CACNA1A: variants seen among roughly 807,000 people sequenced by gnomAD.
The protein encoded by CACNA1A is calcium voltage-gated channel subunit alpha1 A.
CACNA1A carries 57 observed loss-of-function variants against 262.4 expected under a neutral mutation model. The observed-to-expected ratio is 0.22, with a 90% CI of 0.18 to 0.27. CACNA1A has a LOEUF of 0.27. Ranked by LOEUF, CACNA1A falls within the 10% of genes least tolerant of loss-of-function variation. The pLI is 1.00. For synonymous variants in CACNA1A, 1,431 were observed against 1,419.3 expected (o/e 1.01, Z -0.18); for missense variants, 2,526 against 3,562.8 (o/e 0.71, Z 7.41).
At chr19:13,311,448 A>G (rs1287940406) in intron 12 of CACNA1A, among the ~76,000 whole-genome samples, 2 of 152,174 alleles carry the variant, frequency 1.3e-5, no homozygotes, top group Admixed American at 1.3e-4. Flanking sequence ...TGGGTCATTT[A>G]TGTAGGGAAG....
intron 19 of CACNA1A, among the ~76,000 whole-genome samples, chr19:13,290,413 TATA>T (rs918297732): frequency 2.6e-5 from 4 of 151,086 alleles, no homozygotes; most frequent in Admixed American, 1.3e-4. Context: ...TCTGTGTGTG[TATA>T]ATAATAATAA....
At chr19:13,360,101 T>C (rs1032088884) in intron 5 of CACNA1A, among the ~76,000 whole-genome samples, 4 of 151,936 alleles carry the variant, frequency 2.6e-5, no homozygotes, top group African/African-American at 9.7e-5. Flanking sequence ...TAAATTGCCT[T>C]TAAGTGTGGC....
intron 24 of CACNA1A, among the ~76,000 whole-genome samples, chr19:13,265,479 C>T (rs1261423953): frequency 6.6e-6 from 1 of 152,192 alleles, no homozygotes; most frequent in Admixed American, 6.5e-5. Context: ...AGATATACTC[C>T]AGGATTCAGA....
intron 1 of CACNA1A, among the ~76,000 whole-genome samples, chr19:13,476,823 T>G (rs1978603928): frequency 1.3e-5 from 2 of 152,166 alleles, no homozygotes; most frequent in East Asian, 1.9e-4. Flanking sequence ...CACTATTACC[T>G]GCCAGGACCA....
chr19:13,397,211 GC>G (rs2059825133), intron 3 of CACNA1A, among the ~76,000 whole-genome samples: 1 of 152,146 alleles, frequency 6.6e-6, no homozygotes, highest in Admixed American at 6.6e-5. Context: ...GTCTGGAGAA[GC>G]AGGATTTGAT....
rs1268079595 is a variant in CACNA1A, at chr19:13,277,098, C to T, written c.3853G>A (p.Gly1285Ser). The T allele has an allele frequency of 9.3e-6, 15 of 1,612,456 alleles. No homozygotes were observed. The highest frequency in any genetic ancestry group is 1.3e-5 in the Non-Finnish European group (15 of 1,178,698). The change falls in exon 23 of 47, where the codon GGC (glycine) becomes AGC (serine). Residue 1285 changes from glycine (G) to serine (S), a missense_variant. Physicochemically the swap from Gly to Ser is moderately conservative, Grantham distance 56. Coordinates refer to ENST00000360228, the MANE Select transcript of CACNA1A (RefSeq NM_001127222.2). ...VLRYFDYVFT[G>S]VFTFEMVIKM... ...ATCACCATCTCAAAGGTAAAGACGC[C>T]TGTAAAAACGTAGTCAAAGTATCGC...
At chr19:13,228,963 C>T (rs1323949274) in intron 36 of CACNA1A, 3 of 420,514 alleles carry the variant, frequency 7.1e-6, no homozygotes, top group Non-Finnish European at 1.3e-5. Context: ...TGGGGAGACC[C>T]AGGGGTGTAG....
chr19:13,286,701 C>A lies in CACNA1A; in HGVS notation c.3355G>T (p.Ala1119Ser). Residue 1119 changes from alanine (A) to serine (S), a missense_variant, in exon 20 of 47, where the codon GCC becomes TCC. By Grantham distance (99) the Ala-to-Ser change is moderately conservative (BLOSUM62 1). Coordinates refer to ENST00000360228, the MANE Select transcript of CACNA1A (RefSeq NM_001127222.2). Reference protein sequence around the residue: ...IPAMATNPQNAASRRTPNNPG... With the variant: ...IPAMATNPQNSASRRTPNNPG... ...TTGTTGGGCGTCCGGCGGCTGGCGG[C>A]GTTCTGGGGGTTGGTGGCCATGGCA... is the stretch of plus-strand genomic sequence containing the variant. The A allele has an allele frequency of 6.3e-7, 1 of 1,580,726 alleles. No individual in the cohort carries two copies. The highest frequency in any genetic ancestry group is 1.4e-5 in the African/African-American group (1 of 73,970).
At chr19:13,420,068 G>A (rs377032624) in intron 3 of CACNA1A, among the ~76,000 whole-genome samples, 13 of 151,856 alleles carry the variant, frequency 8.6e-5, no homozygotes, top group South Asian at 8.3e-4. Flanking sequence ...GCGACAGAGC[G>A]GGACTCTATC....
At chr19:13,466,176 C>A (rs931739580) in intron 1 of CACNA1A, among the ~76,000 whole-genome samples, 1 of 151,808 alleles carries the variant, frequency 6.6e-6, no homozygotes, top group African/African-American at 2.4e-5. Flanking sequence ...GCAAATTGCA[C>A]CTGATTTTTT....
chr19:13,429,206 A>ACACACC (rs1491498312), intron 3 of CACNA1A, among the ~76,000 whole-genome samples: 3 of 118,478 alleles, frequency 2.5e-5, no homozygotes, highest in African/African-American at 6.1e-5. Context: ...ACACACACAC[A>ACACACC]CCCCTCTTTC....
intron 6 of CACNA1A, among the ~76,000 whole-genome samples, chr19:13,351,621 T>C (rs910942259): frequency 1.7e-4 from 26 of 152,364 alleles, no homozygotes; most frequent in African/African-American, 5.8e-4. Flanking sequence ...ATGATTCTTC[T>C]GCCTCAGCCT....
chr19:13,346,881 T>C (rs967331190), intron 6 of CACNA1A, among the ~76,000 whole-genome samples: 1 of 149,580 alleles, frequency 6.7e-6, no homozygotes, highest in Admixed American at 6.7e-5. Context: ...GGTTTCACCA[T>C]GTAGCCTAGG....
chr19:13,421,549 T>G (rs1434172443), intron 3 of CACNA1A, among the ~76,000 whole-genome samples: 1 of 152,156 alleles, frequency 6.6e-6, no homozygotes, highest in Admixed American at 6.5e-5. Flanking sequence ...TAGTCACCAA[T>G]GTGAAGATAT....
At chr19:13,443,613 C>T (rs1458105535) in intron 3 of CACNA1A, among the ~76,000 whole-genome samples, 3 of 152,142 alleles carry the variant, frequency 2.0e-5, no homozygotes, top group Non-Finnish European at 4.4e-5. Context: ...TCCTAAAGTG[C>T]TGAGATTATA....
At chr19:13,228,765 A>G (rs1328643348) in intron 36 of CACNA1A, 1 of 1,600,264 alleles carries the variant, frequency 6.2e-7, no homozygotes, top group Non-Finnish European at 8.5e-7. Flanking sequence ...CTCGTAATAA[A>G]CTGTACATAT....
At position 13,293,441 on chromosome 19, in the gene CACNA1A, T is replaced by C. The variant is rs1211649722; in HGVS notation, c.3089+5103A>G. 2.4e-3 allele frequency among the ~76,000 whole-genome samples: 231 copies of C among 95,962 alleles called. 2 individuals are homozygous for C. The highest frequency in any genetic ancestry group is 9.4e-3 in the African/African-American group (226 of 24,158). The allele number at this position is 95,962 out of a possible 152,430, so 63.0% of individuals were successfully genotyped here. On this transcript the variant is annotated intron_variant, in intron 19 of 46. Coordinates refer to ENST00000360228, the MANE Select transcript of CACNA1A (RefSeq NM_001127222.2). ...TACACGTACTAACTCAGTTAAATCT[T>C]TTTTTTTTTTTTTTTTTTTTTTGAG... is the stretch of plus-strand genomic sequence containing the variant.
chr19:13,214,696 A>T lies in CACNA1A; in HGVS notation c.5732-88T>A. ...GCTGCAAAGCCATAGGCTCCCGAGA[A>T]CGAGACCCCAATCTTTCTGGTCCCC... On this transcript the variant is annotated intron_variant, in intron 38 of 46. Coordinates refer to ENST00000360228, the MANE Select transcript of CACNA1A (RefSeq NM_001127222.2). This position sits in a 1 kb window ranked among gnomAD's most constrained non-coding sequence, Gnocchi z 4.1. 1.0e-6 allele frequency: 1 copy of T among 998,900 alleles called. No individual in the cohort carries two copies. The highest frequency in any genetic ancestry group is 1.5e-6 in the Non-Finnish European group (1 of 650,278). 61.9% of individuals were successfully genotyped at this position (998,900 alleles called of 1,614,324 possible).
At chr19:13,476,947 G>A (rs1037446363) in intron 1 of CACNA1A, among the ~76,000 whole-genome samples, 3 of 152,140 alleles carry the variant, frequency 2.0e-5, no homozygotes, top group South Asian at 2.1e-4. Context: ...GTCAGGTCAC[G>A]TCCCTCCTCT....
Sources: allele counts gnomAD v4.1 joint callset (sites outside exome capture counted in the v4.1 genomes callset), GRCh38; gene constraint gnomAD v4.1.1; non-coding constraint Gnocchi (gnomAD v3.1); transcripts MANE v1.5; gene names NCBI Gene and HGNC (gene_info 2026-07-23, HGNC 2026-07-21).